The following TRIM67 variants were observed in gnomAD, a reference collection of about 807,000 sequenced individuals.
TRIM67 encodes the protein tripartite motif containing 67, also known as tripartite motif-containing protein 67.
Under a neutral mutation model 71.0 loss-of-function variants are expected in TRIM67, and 39 were observed. The ratio of observed to expected loss-of-function variants is 0.55; its 90% CI spans 0.43 to 0.72. The LOEUF (loss-of-function observed/expected upper bound fraction) is 0.72. Ranked by LOEUF, TRIM67 falls within the 30% of genes least tolerant of loss-of-function variation. The pLI is 0.00. For missense variants in TRIM67, 973 were observed against 1,079.2 expected, an observed-to-expected ratio of 0.90 and a Z score of 1.38; for synonymous variants, 481 against 473.9, an observed-to-expected ratio of 1.01 and a Z score of -0.19.
chr1:231,199,045 A>G lies in TRIM67; in HGVS notation c.1141-2A>G. The stretch of plus-strand genomic sequence containing the variant: ...TCCCAACCAACCCCCAACCTCTGCC[A>G]GGAAAACGGACTGGACTACGAAGCC... On this transcript the variant is annotated splice_acceptor_variant, in intron 2 of 9. Coordinates refer to ENST00000366653, the MANE Select transcript of TRIM67 (RefSeq NM_001004342.5). LOFTEE classifies it high-confidence loss of function. The G allele has an allele frequency of 6.2e-7, 1 of 1,613,954 alleles. No individual in the cohort carries two copies. The highest frequency in any genetic ancestry group is 8.5e-7 in the Non-Finnish European group (1 of 1,179,878).
chr1:231,204,037 G>A (rs377243089), intron 6 of TRIM67, 25 bp downstream of exon 6: 64 of 1,612,582 alleles, frequency 4.0e-5, no homozygotes, highest in Admixed American at 1.5e-4. Flanking sequence ...CTTATTTGGC[G>A]GGGATTGAGG....
At chr1:231,187,663 T>A in intron 1 of TRIM67, 1 of 1,194,522 alleles carries the variant, frequency 8.4e-7, no homozygotes, top group Non-Finnish European at 1.2e-6. Flanking sequence ...GTCTCCCAAG[T>A]GGGGCATCAA....
At position 231,203,989 on chromosome 1, in the gene TRIM67, G is replaced by T; in HGVS notation, c.1657G>T (p.Asp553Tyr). 2 of 1,613,968 alleles carry T rather than the reference G, an allele frequency of 1.2e-6. No individual in the cohort carries two copies. Residue 553 changes from aspartate (D) to tyrosine (Y), a missense_variant, in exon 6 of 10, where the codon GAC (aspartate) becomes TAC (tyrosine). By Grantham distance (160) the Asp-to-Tyr change is radical. Around this residue, in one of 2 missense-constraint regions of TRIM67, gnomAD observed 795 missense variants for 831.3 expected, o/e 0.96. Transcript: ENST00000366653. ...PVDGYILELD[D>Y]GAGGQFREVY... ...GGACGGCTACATCCTGGAGCTGGAC[G>T]ACGGTGCCGGGGGACAGTTCCGGGT...
rs747498567 is a variant in TRIM67 at position 231,200,103 on chromosome 1, C to A, written c.1264-45C>A. 16 of 1,465,454 alleles carry A rather than the reference C, an allele frequency of 1.1e-5. 1 individual carries two copies. Among genetic ancestry groups the A allele is most frequent in the Middle Eastern group, 1.7e-4 (1 of 5,734 alleles). 90.8% of individuals were successfully genotyped at this position (1,465,454 alleles called of 1,614,324 possible). A position where few individuals can be genotyped will look rare whatever the true frequency, so the allele number is the denominator to read the frequency against. On this transcript the variant is annotated intron_variant, in intron 3 of 9. Transcript: ENST00000366653. ...TGACTCTTGCGGTGGCCTGCCTGTT[C>A]TTCCTCTCATGAGACAGTTACTTAG... is the stretch of plus-strand genomic sequence containing the variant.
rs1269611858 is a variant in TRIM67 at position 231,201,478 on chromosome 1, G to A, written c.1495G>A (p.Ala499Thr). 1 of 1,613,938 alleles carries A rather than the reference G, an allele frequency of 6.2e-7. No homozygotes were observed. Among genetic ancestry groups the A allele is most frequent in the East Asian group, 2.2e-5 (1 of 44,886 alleles). ...LTLDSEPLLQ[A>T]IHQLDFIQMK... ...TTTGGACAGCGAGCCGCTGCTGCAG[G>A]CCATCCACCAGCTGGACTTCATTCA... is the stretch of plus-strand genomic sequence containing the variant. Residue 499 changes from alanine (A) to threonine (T), a missense_variant, in exon 5 of 10, where the codon GCC (alanine) becomes ACC (threonine). Ala to Thr is a moderately conservative substitution (Grantham distance 58). Coordinates refer to ENST00000366653, the MANE Select transcript of TRIM67 (RefSeq NM_001004342.5).
rs773812434 is a variant in TRIM67, at chr1:231,163,319, C to G, written c.350C>G (p.Pro117Arg). Residue 117 changes from proline to arginine, a missense_variant, in exon 1 of 10, where the codon CCG becomes CGG. By Grantham distance (103) the Pro-to-Arg change is moderately radical. Coordinates refer to ENST00000366653, the MANE Select transcript of TRIM67 (RefSeq NM_001004342.5). ...ETDSGYGSYT[P>R]SLKSPNGVRV... Reference sequence around the variant, plus strand: ...GACAGCGGCTACGGGTCCTACACCCCGAGCCTCAAGTCCCCCAACGGGGTT... The same window carrying G: ...GACAGCGGCTACGGGTCCTACACCCGGAGCCTCAAGTCCCCCAACGGGGTT... The G allele has an allele frequency of 5.3e-6, 8 of 1,521,062 alleles. No individual in the cohort carries two copies. The highest frequency in any genetic ancestry group is 2.6e-6 in the Non-Finnish European group (3 of 1,133,340). The allele number at this position is 1,521,062 out of a possible 1,614,324, so 94.2% of individuals were successfully genotyped here.
intron 1 of TRIM67, among the ~76,000 whole-genome samples, chr1:231,169,210 C>T (rs926829792): frequency 6.6e-6 from 1 of 152,076 alleles, no homozygotes; most frequent in Non-Finnish European, 1.5e-5. Context: ...TGTGCCACCA[C>T]ACCCAGCTAA....
chr1:231,192,290 C>G (rs963374090), intron 1 of TRIM67, among the ~76,000 whole-genome samples: 1 of 152,136 alleles, frequency 6.6e-6, no homozygotes, highest in Non-Finnish European at 1.5e-5. Context: ...GTAGCTGAGA[C>G]TAGAGGCACA....
intron 1 of TRIM67, among the ~76,000 whole-genome samples, chr1:231,186,378 T>G (rs2102733707): frequency 6.6e-6 from 1 of 152,316 alleles, no homozygotes; most frequent in South Asian, 2.1e-4. Flanking sequence ...TTGCTAGGGT[T>G]GCCAGAGCAA....
In TRIM67 at chr1:231,162,993, C is replaced by T. The variant is rs760740090; in HGVS notation, c.24C>T (p.Pro8=). Residue 8 remains proline, a synonymous_variant, in exon 1 of 10, where the codon CCC becomes CCT. Coordinates refer to ENST00000366653, the MANE Select transcript of TRIM67 (RefSeq NM_001004342.5). MEEELKC[P]VCGSLFREPI... ...CGATGGAGGAAGAGCTGAAGTGTCCCGTGTGCGGCTCTCTGTTTCGGGAGC... is the reference window on the plus strand; with the variant it reads ...CGATGGAGGAAGAGCTGAAGTGTCCTGTGTGCGGCTCTCTGTTTCGGGAGC... The T allele has an allele frequency of 2.5e-5, 41 of 1,612,570 alleles. No individual in the cohort carries two copies. Among genetic ancestry groups the T allele is most frequent in the Non-Finnish European group, 3.3e-5 (39 of 1,179,350 alleles).
chr1:231,197,413 A>C lies in TRIM67; in HGVS notation c.1087A>C (p.Lys363Gln), dbSNP rs1410448619. ...QALNGVSDKA[K>Q]EAKEFLVQLK... ...CTTAAATGGAGTTTCAGATAAGGCAAAGGAAGCAAAGGAGTTTCTGGTTCA... is the reference window on the plus strand; with the variant it reads ...CTTAAATGGAGTTTCAGATAAGGCACAGGAAGCAAAGGAGTTTCTGGTTCA... Residue 363 changes from lysine (K) to glutamine (Q), a missense_variant, in exon 2 of 10, where the codon AAG becomes CAG. Around this residue, in one of 2 missense-constraint regions of TRIM67, gnomAD observed 795 missense variants for 831.3 expected, o/e 0.96. Transcript: ENST00000366653. 1 of 1,614,044 alleles carries C rather than the reference A, an allele frequency of 6.2e-7. No individual in the cohort carries two copies. The highest frequency in any genetic ancestry group is 1.7e-5 in the Admixed American group (1 of 60,034).
At chr1:231,173,122 C>T (rs946267370) in intron 1 of TRIM67, among the ~76,000 whole-genome samples, 3 of 152,150 alleles carry the variant, frequency 2.0e-5, no homozygotes, top group East Asian at 3.9e-4. Context: ...CTGAGACCAC[C>T]GATGGAATTT....
In TRIM67 at chr1:231,216,071, A is replaced by T. The variant is rs1169813402; in HGVS notation, c.*631A>T. The T allele has an allele frequency of 1.0e-5, 10 of 985,302 alleles. No individual in the cohort carries two copies. The highest frequency in any genetic ancestry group is 1.7e-5 in the African/African-American group (1 of 57,228). 61.0% of individuals were successfully genotyped at this position (985,302 alleles called of 1,614,324 possible). Reference sequence around the variant, plus strand: ...TCTCACTGAAGTGTTAGAACCTTTTAAAATGGCTTCCTTTATTAATCAGCC... The same window carrying T: ...TCTCACTGAAGTGTTAGAACCTTTTTAAATGGCTTCCTTTATTAATCAGCC... On this transcript the variant is annotated 3_prime_UTR_variant, in exon 10 of 10. Transcript: ENST00000366653.
At chr1:231,183,285 A>C (rs528961278) in intron 1 of TRIM67, among the ~76,000 whole-genome samples, 80 of 152,252 alleles carry the variant, frequency 5.3e-4, no homozygotes, top group Non-Finnish European at 1.0e-3. Context: ...ACTCTGGCTA[A>C]CTTGAATCAA....
intron 1 of TRIM67, among the ~76,000 whole-genome samples, chr1:231,178,301 G>A (rs1682808547): frequency 6.6e-6 from 1 of 152,172 alleles, no homozygotes; most frequent in East Asian, 1.9e-4. Context: ...ATAGAGGCAG[G>A]AGAATACGGG....
Position 231,217,112 on chromosome 1 carries a change from C to T in TRIM67, c.*1672C>T. ...GCCTGCCGGAGCCATGCAGGTACCC[C>T]CCCTCCACTCAGCAGGCCCGACAAT... On this transcript the variant is annotated 3_prime_UTR_variant, in exon 10 of 10. Coordinates refer to ENST00000366653, the MANE Select transcript of TRIM67 (RefSeq NM_001004342.5). The T allele has an allele frequency of 3.0e-6, 3 of 985,906 alleles. No individual in the cohort carries two copies. Among genetic ancestry groups the T allele is most frequent in the Non-Finnish European group, 3.6e-6 (3 of 830,018 alleles). 61.1% of individuals were successfully genotyped at this position (985,906 alleles called of 1,614,324 possible). A position where few individuals can be genotyped will look rare whatever the true frequency, so the allele number is the denominator to read the frequency against.
intron 9 of TRIM67, 148 bp downstream of exon 9, chr1:231,214,125 A>G: frequency 9.3e-7 from 1 of 1,073,228 alleles, no homozygotes; most frequent in Non-Finnish European, 1.3e-6. Context: ...TGCCTTGGAC[A>G]TTTCCTGGAG....
rs936338248 is a variant in TRIM67 at position 231,217,411 on chromosome 1, C to T, written c.*1971C>T. The T allele has an allele frequency of 1.0e-6, 1 of 987,796 alleles. No homozygotes were observed. The highest frequency in any genetic ancestry group is 1.2e-6 in the Non-Finnish European group (1 of 831,544). 61.2% of individuals were successfully genotyped at this position (987,796 alleles called of 1,614,324 possible). Reference sequence around the variant, plus strand: ...CACACAAGACCTGGGACCCTGTGTCCTTGCCCGCACCTCTGCCTCTGTCTC... The same window carrying T: ...CACACAAGACCTGGGACCCTGTGTCTTTGCCCGCACCTCTGCCTCTGTCTC... On this transcript the variant is annotated 3_prime_UTR_variant, in exon 10 of 10. Coordinates refer to ENST00000366653, the MANE Select transcript of TRIM67 (RefSeq NM_001004342.5).
chr1:231,172,640 G>C (rs1210550562), intron 1 of TRIM67, among the ~76,000 whole-genome samples: 1 of 152,188 alleles, frequency 6.6e-6, no homozygotes, highest in Non-Finnish European at 1.5e-5. Context: ...AGAAGGAGAG[G>C]CTGGGCCTTA....
Sources: gnomAD v4.1 joint callset for allele counts (sites outside exome capture counted in the v4.1 genomes callset) on GRCh38, gnomAD v4.1.1 for gene constraint, gnomAD v4.1.1 regional missense constraint, MANE v1.5 for transcripts, NCBI Gene and HGNC (gene_info 2026-07-23, HGNC 2026-07-21) for gene names.